Variants in ERBB4 observed in about 807,000 individuals in gnomAD.
ERBB4 encodes the protein erb-b2 receptor tyrosine kinase 4.
A neutral mutation model predicts 158.0 loss-of-function variants in ERBB4; 42 were observed. That is an observed-to-expected ratio of 0.27 (90% CI 0.21 to 0.34). The LOEUF (loss-of-function observed/expected upper bound fraction) is 0.34, where lower values mean the gene tolerates loss of function less well. Ranked by LOEUF, ERBB4 falls within the 10% of genes least tolerant of loss-of-function variation. The probability of loss-of-function intolerance (pLI) is 1.00; values close to 1 mark genes in which losing one functional copy is unlikely to be tolerated. For synonymous variants in ERBB4, 583 were observed against 558.7 expected (o/e 1.04, Z -0.61); for missense variants, 1,333 against 1,624.1 (o/e 0.82, Z 3.08).
chr2:212,239,308 G>A (rs2083997306), intron 1 of ERBB4, among the ~76,000 whole-genome samples: 1 of 152,154 alleles, frequency 6.6e-6, no homozygotes, highest in South Asian at 2.1e-4. Flanking sequence ...ATCCTGAGTA[G>A]GTGAGATGAC....
In ERBB4 at chr2:211,619,291, T is replaced by A. The variant is rs776359192; in HGVS notation, c.2203-16A>T. Reference sequence around the variant, plus strand: ...CCCAAATACCCTTTGGGGAAAAAAATTTACATTAAATATGACATCTCAACC... The same window carrying A: ...CCCAAATACCCTTTGGGGAAAAAAAATTACATTAAATATGACATCTCAACC... On this transcript the variant is annotated splice_polypyrimidine_tract_variant and intron_variant, in intron 18 of 27. Transcript: ENST00000342788. 8 of 1,433,354 alleles carry A rather than the reference T, an allele frequency of 5.6e-6. No individual in the cohort carries two copies. In the African/African-American group the frequency reaches 7.0e-5, roughly 13 times the overall value. The allele number at this position is 1,433,354 out of a possible 1,614,324, so 88.8% of individuals were successfully genotyped here. A position where few individuals can be genotyped will look rare whatever the true frequency, so the allele number is the denominator to read the frequency against.
At chr2:211,819,211 A>G (rs909576661) in intron 3 of ERBB4, among the ~76,000 whole-genome samples, 2 of 152,110 alleles carry the variant, frequency 1.3e-5, no homozygotes, top group Non-Finnish European at 2.9e-5. Flanking sequence ...GCTAATTCAG[A>G]AAACATTTTG....
chr2:211,884,594 T>A (rs537884804), intron 3 of ERBB4, among the ~76,000 whole-genome samples: 2 of 152,182 alleles, frequency 1.3e-5, no homozygotes. Flanking sequence ...ACATGTCACC[T>A]AACCAAAATT....
intron 3 of ERBB4, among the ~76,000 whole-genome samples, chr2:211,789,800 AT>A (rs1423103784): frequency 2.0e-5 from 3 of 152,100 alleles, no homozygotes; most frequent in Admixed American, 2.0e-4. Context: ...AGAGAGATAA[AT>A]GAAAGGAACG....
chr2:211,504,795 A>C (rs1284931174), intron 20 of ERBB4, among the ~76,000 whole-genome samples: 1 of 152,172 alleles, frequency 6.6e-6, no homozygotes, highest in Non-Finnish European at 1.5e-5. Flanking sequence ...AATTCACTGA[A>C]AGGATTTTAA....
intron 2 of ERBB4, among the ~76,000 whole-genome samples, chr2:212,030,693 A>G (rs1015808421): frequency 6.6e-6 from 1 of 152,142 alleles, no homozygotes; most frequent in African/African-American, 2.4e-5. Context: ...CCTCAAAGTT[A>G]TTTAGCACAA....
intron 3 of ERBB4, among the ~76,000 whole-genome samples, chr2:211,842,280 T>C (rs1359184038): frequency 6.6e-6 from 1 of 151,768 alleles, no homozygotes; most frequent in Non-Finnish European, 1.5e-5. Context: ...TAATTTCTGG[T>C]AGGAAATAAA....
chr2:212,519,114 G>C (rs530615025), intron 1 of ERBB4, among the ~76,000 whole-genome samples: 2 of 152,008 alleles, frequency 1.3e-5, no homozygotes, highest in East Asian at 3.9e-4. Context: ...CCTAAACTGC[G>C]TTTCTACACT....
intron 1 of ERBB4, among the ~76,000 whole-genome samples, chr2:212,347,395 C>CA (rs992811767): frequency 2.1e-4 from 31 of 151,112 alleles, no homozygotes; most frequent in Non-Finnish European, 3.4e-4. Flanking sequence ...TTTGTAATTT[C>CA]AAAAAAAAGG....
chr2:212,461,136 C>T (rs1318984770), intron 1 of ERBB4, among the ~76,000 whole-genome samples: 1 of 152,216 alleles, frequency 6.6e-6, no homozygotes, highest in East Asian at 1.9e-4. Flanking sequence ...GGAACCCCCC[C>T]TCCACAGAGT....
At chr2:212,394,478 T>G (rs998895445) in intron 1 of ERBB4, among the ~76,000 whole-genome samples, 5 of 152,098 alleles carry the variant, frequency 3.3e-5, no homozygotes, top group African/African-American at 4.8e-5. Context: ...ACCACCATCT[T>G]GACCATTTAT....
intron 4 of ERBB4, among the ~76,000 whole-genome samples, chr2:211,781,288 A>G (rs2106301247): frequency 1.3e-5 from 2 of 152,354 alleles, no homozygotes; most frequent in African/African-American, 4.8e-5. Context: ...AAAAAAGTTT[A>G]AAACATGGAC....
intron 1 of ERBB4, among the ~76,000 whole-genome samples, chr2:212,518,268 T>C (rs1238484767): frequency 6.6e-6 from 1 of 152,026 alleles, no homozygotes; most frequent in Non-Finnish European, 1.5e-5. Flanking sequence ...AAAATAACCT[T>C]AGAAAACATA....
chr2:211,937,520 G>C (rs538388069), intron 3 of ERBB4, among the ~76,000 whole-genome samples: 1 of 152,192 alleles, frequency 6.6e-6, no homozygotes, highest in East Asian at 1.9e-4. Flanking sequence ...TACCACCCAA[G>C]ATTGGGTAAT....
intron 2 of ERBB4, among the ~76,000 whole-genome samples, chr2:212,122,683 C>T (rs1331257614): frequency 1.3e-5 from 2 of 151,968 alleles, no homozygotes; most frequent in Non-Finnish European, 2.9e-5. Context: ...AAAATATCTA[C>T]ATGCTACTTT....
intron 16 of ERBB4, among the ~76,000 whole-genome samples, chr2:211,635,821 C>T (rs978274256): frequency 1.3e-5 from 2 of 151,948 alleles, no homozygotes; most frequent in Admixed American, 1.3e-4. Context: ...AAGTTCGTCA[C>T]CAAATAAAAG....
At chr2:211,905,702 A>C in intron 3 of ERBB4, among the ~76,000 whole-genome samples, 1 of 109,326 alleles carries the variant, frequency 9.1e-6, no homozygotes, top group South Asian at 3.1e-4. Flanking sequence ...ATGTGTGTGT[A>C]TGTGTGTGTA....
At chr2:211,851,844 CT>C (rs1182173363) in intron 3 of ERBB4, among the ~76,000 whole-genome samples, 1 of 151,646 alleles carries the variant, frequency 6.6e-6, no homozygotes, top group Admixed American at 6.6e-5. Flanking sequence ...TAATCAAAAG[CT>C]AAAGAGATAT....
intron 1 of ERBB4, among the ~76,000 whole-genome samples, chr2:212,405,168 T>C (rs886424069): frequency 6.6e-6 from 1 of 151,834 alleles, no homozygotes; most frequent in Admixed American, 6.6e-5. Context: ...CCATTAAAAA[T>C]TGGGCAAAGG....
Sources: gnomAD v4.1 joint callset for allele counts (sites outside exome capture counted in the v4.1 genomes callset) on GRCh38, gnomAD v4.1.1 for gene constraint, MANE v1.5 for transcripts, NCBI Gene and HGNC (gene_info 2026-07-23, HGNC 2026-07-21) for gene names.